The following ATF2 variants were observed in gnomAD, a reference collection of about 807,000 sequenced individuals.
ATF2 encodes the protein activating transcription factor 2.
Under a neutral mutation model 60.6 loss-of-function variants are expected in ATF2, and 24 were observed. The observed-to-expected ratio is 0.40, with a 90% CI of 0.29 to 0.56. The LOEUF (loss-of-function observed/expected upper bound fraction) is 0.56. Ranked by LOEUF, ATF2 falls within the 20% of genes least tolerant of loss-of-function variation. The pLI is 0.54. For missense variants in ATF2, 433 were observed against 607.7 expected, an observed-to-expected ratio of 0.71 and a Z score of 3.02; for synonymous variants, 206 against 215.4, an observed-to-expected ratio of 0.96 and a Z score of 0.38.
intron 1 of ATF2, among the ~76,000 whole-genome samples, chr2:175,159,318 C>CAAA (rs544556578): frequency 7.7e-6 from 1 of 130,522 alleles, no homozygotes; most frequent in Non-Finnish European, 1.6e-5. Context: ...GACTCCGTCT[C>CAAA]AAAAAAAAAA....
intron 9 of ATF2, 62 bp from the exon 10 acceptor site, chr2:175,111,716 T>C: frequency 7.3e-7 from 1 of 1,378,136 alleles, no homozygotes; most frequent in South Asian, 1.2e-5. Context: ...ATTTGTACTT[T>C]ACTGCTGTTG....
At chr2:175,128,991 T>G (rs1375896126) in intron 4 of ATF2, among the ~76,000 whole-genome samples, 1 of 152,142 alleles carries the variant, frequency 6.6e-6, no homozygotes, top group Non-Finnish European at 1.5e-5. Context: ...ATCATTATAC[T>G]CCCATGTATT....
chr2:175,100,339 T>A (rs1695225320), intron 10 of ATF2, among the ~76,000 whole-genome samples: 1 of 152,232 alleles, frequency 6.6e-6, no homozygotes, highest in South Asian at 2.1e-4. Flanking sequence ...AGGCCTCTAT[T>A]TTCTTAGCAC....
At chr2:175,117,716 A>C (rs1696677986) in intron 7 of ATF2, among the ~76,000 whole-genome samples, 1 of 152,026 alleles carries the variant, frequency 6.6e-6, no homozygotes, top group Non-Finnish European at 1.5e-5. Flanking sequence ...TAAAATAGCA[A>C]AACACAGAAA....
At chr2:175,152,108 T>A (rs1699349765) in intron 1 of ATF2, among the ~76,000 whole-genome samples, 1 of 152,124 alleles carries the variant, frequency 6.6e-6, no homozygotes, top group Admixed American at 6.5e-5. Context: ...ATAGGAGGAA[T>A]ATTGGCAGAC....
At chr2:175,130,635 T>G (rs1697663147) in intron 3 of ATF2, among the ~76,000 whole-genome samples, 1 of 152,162 alleles carries the variant, frequency 6.6e-6, no homozygotes, top group South Asian at 2.1e-4. Context: ...CTTAAACATT[T>G]CTACCTAAAT....
chr2:175,106,235 A>G (rs1449692805), intron 10 of ATF2, among the ~76,000 whole-genome samples: 1 of 152,214 alleles, frequency 6.6e-6, no homozygotes, highest in African/African-American at 2.4e-5. Context: ...ATCCAGTGTA[A>G]ATAAAGAATT....
At chr2:175,107,003 T>C (rs999710354) in intron 10 of ATF2, among the ~76,000 whole-genome samples, 3 of 151,868 alleles carry the variant, frequency 2.0e-5, no homozygotes, top group East Asian at 1.9e-4. Context: ...AAAATACAAG[T>C]AGTCCCAGCT....
chr2:175,104,343 TG>T lies in ATF2; in HGVS notation c.829-6751del, dbSNP rs1337503353. On this transcript the variant is annotated intron_variant, in intron 10 of 13. Transcript: ENST00000264110. ...TGATCATAAAGGTCTAATAAATTCT[TG>T]AGAGAGATGCAGAACCCCAAAAGGA... 2.6e-5 allele frequency among the ~76,000 whole-genome samples: 4 copies of T among 152,096 alleles called. No individual in the cohort carries two copies. In the East Asian group the frequency reaches 7.7e-4, roughly 29 times the overall value.
At chr2:175,132,664 T>C (rs1697819692) in intron 3 of ATF2, 1 of 152,234 alleles carries the variant, frequency 6.6e-6, no homozygotes, top group African/African-American at 2.4e-5. Flanking sequence ...AGATAGGTAC[T>C]AATTCTTCCT....
At chr2:175,148,592 C>T (rs1699101785) in intron 2 of ATF2, among the ~76,000 whole-genome samples, 1 of 152,162 alleles carries the variant, frequency 6.6e-6, no homozygotes, top group African/African-American at 2.4e-5. Context: ...TTTATACCCT[C>T]CTCCCGTTGA....
chr2:175,120,917 G>A (rs913418925), intron 5 of ATF2, among the ~76,000 whole-genome samples: 7 of 151,646 alleles, frequency 4.6e-5, no homozygotes, highest in Admixed American at 2.6e-4. Context: ...GATACTGTAC[G>A]TTCATAGTGT....
At chr2:175,136,648 A>T (rs1698159217) in intron 2 of ATF2, among the ~76,000 whole-genome samples, 162 bp from the exon 3 acceptor site, 1 of 152,160 alleles carries the variant, frequency 6.6e-6, no homozygotes, top group Non-Finnish European at 1.5e-5. Context: ...TGAAATATCA[A>T]CACACCTACA....
chr2:175,113,437 A>G (rs904974154), intron 9 of ATF2, among the ~76,000 whole-genome samples: 1 of 152,128 alleles, frequency 6.6e-6, no homozygotes, highest in East Asian at 1.9e-4. Context: ...ATTAAATATC[A>G]TAAGTAGATA....
intron 13 of ATF2, among the ~76,000 whole-genome samples, chr2:175,079,393 A>G (rs1331490266): frequency 1.3e-5 from 2 of 152,134 alleles, no homozygotes; most frequent in African/African-American, 4.8e-5. Flanking sequence ...AGTAGCTTCT[A>G]TAGGAAATTA....
At chr2:175,086,144 T>C (rs1168991405) in intron 12 of ATF2, among the ~76,000 whole-genome samples, 1 of 152,210 alleles carries the variant, frequency 6.6e-6, no homozygotes, top group African/African-American at 2.4e-5. Context: ...ATTGTCCTGA[T>C]CTAAAATGTT....
In ATF2 at chr2:175,111,492, T is replaced by C. The variant is rs1427105839; in HGVS notation, c.828+76A>G. On this transcript the variant is annotated intron_variant, in intron 10 of 13. Coordinates refer to ENST00000264110, the MANE Select transcript of ATF2 (RefSeq NM_001880.4). ...TAAAAATGTGATCTAAATTGTGCAT[T>C]TGAAGCAGGCTTTAGTGAAAACATT... 5 of 1,312,846 alleles carry C rather than the reference T, an allele frequency of 3.8e-6. No homozygotes were observed. In the African/African-American group the frequency reaches 4.4e-5, roughly 12 times the overall value. 81.3% of individuals were successfully genotyped at this position (1,312,846 alleles called of 1,614,324 possible).
chr2:175,141,042 T>TAA (rs1698498549), intron 2 of ATF2, among the ~76,000 whole-genome samples: 1 of 120,406 alleles, frequency 8.3e-6, no homozygotes, highest in East Asian at 2.4e-4. Context: ...TATATATATA[T>TAA]ATATATATAT....
intron 7 of ATF2, 58 bp downstream of exon 7, chr2:175,117,932 T>G: frequency 6.7e-7 from 1 of 1,494,452 alleles, no homozygotes; most frequent in Non-Finnish European, 9.0e-7. Flanking sequence ...GATTAAATAG[T>G]AAACTTTATT....
Sources: allele counts gnomAD v4.1 joint callset (sites outside exome capture counted in the v4.1 genomes callset), GRCh38; gene constraint gnomAD v4.1.1; transcripts MANE v1.5; gene names NCBI Gene and HGNC (gene_info 2026-07-23, HGNC 2026-07-21).